RNF150: variants seen among roughly 807,000 people sequenced by gnomAD.
The protein encoded by RNF150 is ring finger protein 150.
Under a neutral mutation model 39.3 loss-of-function variants are expected in RNF150, and 24 were observed. The observed-to-expected ratio is 0.61, with a 90% CI of 0.44 to 0.86. RNF150 has a LOEUF of 0.86. Among genes scored for constraint, RNF150 ranks in the 40% least tolerant of loss-of-function variants. The pLI is 0.00. For missense variants in RNF150, 502 were observed against 587.8 expected (o/e 0.85, Z 1.51); for synonymous variants, 255 against 227.3 (o/e 1.12, Z -1.10).
intron 1 of RNF150, among the ~76,000 whole-genome samples, chr4:141,140,680 C>T (rs1035864909): frequency 6.6e-6 from 1 of 152,170 alleles, no homozygotes; most frequent in Non-Finnish European, 1.5e-5. Flanking sequence ...ACATTCAGAG[C>T]ACTGTGCACT....
chr4:141,129,545 G>A (rs781414770), intron 1 of RNF150, among the ~76,000 whole-genome samples: 13 of 152,170 alleles, frequency 8.5e-5, no homozygotes, highest in Non-Finnish European at 1.9e-4. Flanking sequence ...GATGATGGCT[G>A]CACAACTCAG....
intron 4 of RNF150, among the ~76,000 whole-genome samples, chr4:140,938,869 G>T (rs1731966887): frequency 6.6e-6 from 1 of 152,082 alleles, no homozygotes; most frequent in African/African-American, 2.4e-5. Context: ...TAATAATGAG[G>T]TCCATGTTAA....
chr4:141,210,404 G>T (rs1728442717), intron 1 of RNF150, among the ~76,000 whole-genome samples: 1 of 151,754 alleles, frequency 6.6e-6, no homozygotes, highest in Admixed American at 6.6e-5. Flanking sequence ...TTTTCTTTTT[G>T]CAATGCTGAC....
chr4:140,896,691 A>AAC (rs752952290), intron 6 of RNF150, among the ~76,000 whole-genome samples: 4 of 89,146 alleles, frequency 4.5e-5, no homozygotes, highest in Non-Finnish European at 9.4e-5. Context: ...GTATAATAAA[A>AAC]AAAAAAAAAC....
chr4:140,932,736 T>C (rs954868331), intron 4 of RNF150, among the ~76,000 whole-genome samples: 1 of 152,178 alleles, frequency 6.6e-6, no homozygotes, highest in Non-Finnish European at 1.5e-5. Flanking sequence ...CTCCAGCACA[T>C]GGGGAGATGA....
chr4:141,101,398 C>T (rs1018448280), intron 1 of RNF150, among the ~76,000 whole-genome samples: 9 of 152,000 alleles, frequency 5.9e-5, no homozygotes, highest in African/African-American at 1.9e-4. Flanking sequence ...TCAATATCAC[C>T]GTCCTCTACC....
intron 1 of RNF150, among the ~76,000 whole-genome samples, chr4:140,985,305 G>T (rs930872359): frequency 3.3e-5 from 5 of 151,998 alleles, no homozygotes; most frequent in Non-Finnish European, 5.9e-5. Flanking sequence ...ACCTTTTCAC[G>T]CCCAATTAAC....
chr4:140,975,811 C>T (rs1223947220), intron 1 of RNF150, among the ~76,000 whole-genome samples: 2 of 152,180 alleles, frequency 1.3e-5, no homozygotes, highest in African/African-American at 4.8e-5. Context: ...AGGGCAGGCT[C>T]TCTGCAGTAT....
At chr4:140,898,949 A>C (rs1280930067) in intron 6 of RNF150, among the ~76,000 whole-genome samples, 1 of 152,210 alleles carries the variant, frequency 6.6e-6, no homozygotes, top group Non-Finnish European at 1.5e-5. Flanking sequence ...GTTTGACAAA[A>C]AAATTTTGAT....
At chr4:141,083,711 C>T (rs1738247234) in intron 1 of RNF150, among the ~76,000 whole-genome samples, 2 of 151,958 alleles carry the variant, frequency 1.3e-5, no homozygotes, top group South Asian at 4.2e-4. Flanking sequence ...GGTTGTAAAG[C>T]CCACTGGTCA....
At chr4:141,142,785 G>C (rs1727142237) in intron 1 of RNF150, among the ~76,000 whole-genome samples, 1 of 152,046 alleles carries the variant, frequency 6.6e-6, no homozygotes, top group African/African-American at 2.4e-5. Context: ...GTTCCTTCAG[G>C]CTCTGACCTA....
chr4:141,022,326 G>A (rs908620903), intron 1 of RNF150, among the ~76,000 whole-genome samples: 15 of 151,926 alleles, frequency 9.9e-5, no homozygotes, highest in Admixed American at 2.0e-4. Flanking sequence ...CTCTAACTCT[G>A]CCTCACTTAG....
At chr4:140,978,856 AAACAAATC>A (rs1733759676) in intron 1 of RNF150, among the ~76,000 whole-genome samples, 1 of 152,184 alleles carries the variant, frequency 6.6e-6, no homozygotes, top group South Asian at 2.1e-4. Context: ...GGCTGAAATG[AAACAAATC>A]ATAGAATACT....
chr4:140,914,025 G>T (rs892185842), intron 5 of RNF150, among the ~76,000 whole-genome samples: 2 of 152,166 alleles, frequency 1.3e-5, no homozygotes, highest in East Asian at 3.9e-4. Flanking sequence ...CCATAAATAC[G>T]TAAATGCAAT....
intron 1 of RNF150, among the ~76,000 whole-genome samples, chr4:141,124,155 A>G (rs982184905): frequency 1.3e-5 from 2 of 152,214 alleles, no homozygotes; most frequent in African/African-American, 4.8e-5. Flanking sequence ...CTGCTTATGC[A>G]GAGTACTTTC....
chr4:141,180,596 T>C (rs1326597941), intron 1 of RNF150, among the ~76,000 whole-genome samples: 1 of 152,168 alleles, frequency 6.6e-6, no homozygotes, highest in Non-Finnish European at 1.5e-5. Context: ...AACTGCATTC[T>C]TGGTGGTGAC....
intron 1 of RNF150, among the ~76,000 whole-genome samples, chr4:141,184,937 A>G (rs1465760413): frequency 1.3e-5 from 2 of 151,346 alleles, no homozygotes; most frequent in Non-Finnish European, 2.9e-5. Flanking sequence ...GCCTTGTAGT[A>G]TAGTTTGAAG....
At chr4:141,028,106 T>C (rs1450321522) in intron 1 of RNF150, among the ~76,000 whole-genome samples, 2 of 151,944 alleles carry the variant, frequency 1.3e-5, no homozygotes, top group Non-Finnish European at 2.9e-5. Flanking sequence ...ACATACACAG[T>C]GTTGGGACAA....
At chr4:141,172,014 A>G (rs557295936) in intron 1 of RNF150, among the ~76,000 whole-genome samples, 1 of 152,302 alleles carries the variant, frequency 6.6e-6, no homozygotes, top group African/African-American at 2.4e-5. Context: ...ATTTGTACCT[A>G]TACATAAGAT....
Sources: gnomAD v4.1 joint callset for allele counts (sites outside exome capture counted in the v4.1 genomes callset) on GRCh38, gnomAD v4.1.1 for gene constraint, MANE v1.5 for transcripts, NCBI Gene and HGNC (gene_info 2026-07-23, HGNC 2026-07-21) for gene names.